PCDHGB4: variants seen among roughly 807,000 people sequenced by gnomAD.
PCDHGB4 encodes protocadherin gamma subfamily B, 4.
PCDHGB4 carries 38 observed loss-of-function variants against 60.5 expected under a neutral mutation model. The observed-to-expected ratio is 0.63, with a 90% CI of 0.48 to 0.82. The LOEUF is 0.82. Ranked by LOEUF, PCDHGB4 falls within the 40% of genes least tolerant of loss-of-function variation. The pLI, the probability that PCDHGB4 is intolerant of heterozygous loss-of-function variation, is 0.00. For synonymous variants in PCDHGB4, 456 were observed against 509.7 expected, an observed-to-expected ratio of 0.89 and a Z score of 1.42; for missense variants, 1,109 against 1,209.6, an observed-to-expected ratio of 0.92 and a Z score of 1.23.
intron 1 of PCDHGB4, chr5:141,394,900 C>T (rs959646500): frequency 3.7e-6 from 6 of 1,613,748 alleles, no homozygotes; most frequent in Non-Finnish European, 3.4e-6. Context: ...CTCGTGGTGG[C>T]AGTGGCTGCC....
intron 1 of PCDHGB4, chr5:141,414,744 C>T (rs1381345965): frequency 6.2e-7 from 1 of 1,614,210 alleles, no homozygotes; most frequent in Non-Finnish European, 8.5e-7. Context: ...CACTCAGATC[C>T]TTCGACTATG....
intron 1 of PCDHGB4, chr5:141,413,140 A>G: frequency 1.3e-6 from 2 of 1,563,150 alleles, no homozygotes; most frequent in Non-Finnish European, 1.7e-6. Context: ...CAACGTGTCC[A>G]GTGAGGACTT....
At chr5:141,400,791 T>C in intron 1 of PCDHGB4, 1 of 562,286 alleles carries the variant, frequency 1.8e-6, no homozygotes, top group Non-Finnish European at 3.1e-6. Flanking sequence ...TTTGTCCTCT[T>C]TCTCAAAGCT....
In PCDHGB4 at chr5:141,487,460, G is replaced by T; in HGVS notation, c.2398-7347G>T. ...AGGGTCAGATGACCCTATCAAGTTT[G>T]TTGATGTGGGAGGCCACTCTCATGG... On this transcript the variant is annotated intron_variant, in intron 1 of 3. Transcript: ENST00000519479. The surrounding 1 kb of genome is among the most constrained non-coding windows in gnomAD (Gnocchi z 5.0). 1 of 1,614,170 alleles carries T rather than the reference G, an allele frequency of 6.2e-7. No individual in the cohort carries two copies. Among genetic ancestry groups the T allele is most frequent in the Non-Finnish European group, 8.5e-7 (1 of 1,180,024 alleles).
rs1369150914 is a variant in PCDHGB4 at position 141,432,217 on chromosome 5, G to A, written c.2397+41936G>A. The A allele has an allele frequency of 3.1e-6, 5 of 1,614,204 alleles. No individual in the cohort carries two copies. The East Asian group carries it at 6.7e-5, about 22-fold the overall frequency. On this transcript the variant is annotated intron_variant, in intron 1 of 3. Coordinates refer to ENST00000519479, the MANE Select transcript of PCDHGB4 (RefSeq NM_003736.4). The surrounding 1 kb of genome is among the most constrained non-coding windows in gnomAD (Gnocchi z 6.0). ...ACCCCGACTGTGAAGAGAACGCCCAGATCACTTATTCCCTGGCTGAGAACA... is the reference window on the plus strand; with the variant it reads ...ACCCCGACTGTGAAGAGAACGCCCAAATCACTTATTCCCTGGCTGAGAACA...
intron 1 of PCDHGB4, chr5:141,410,146 C>G: frequency 6.2e-7 from 1 of 1,612,390 alleles, no homozygotes. Flanking sequence ...CTGTGCGTGA[C>G]GGTGGACAGC....
intron 1 of PCDHGB4, chr5:141,421,221 G>A (rs746753262): frequency 6.3e-7 from 1 of 1,576,508 alleles, no homozygotes; most frequent in Non-Finnish European, 8.6e-7. Context: ...TCGGCTTAGA[G>A]CCTGCCATGG....
At chr5:141,414,081 T>C (rs748527220) in intron 1 of PCDHGB4, 1 of 1,601,774 alleles carries the variant, frequency 6.2e-7, no homozygotes, top group South Asian at 1.1e-5. Flanking sequence ...ACAAATATAC[T>C]GGAGAAATAA....
intron 1 of PCDHGB4, among the ~76,000 whole-genome samples, chr5:141,456,790 C>T (rs1364747385): frequency 6.6e-6 from 1 of 151,976 alleles, no homozygotes; most frequent in Admixed American, 6.6e-5. Flanking sequence ...TGGCAAAACC[C>T]CATCTCTACT....
In PCDHGB4 at chr5:141,472,816, G is replaced by A. The variant is rs1186234004; in HGVS notation, c.2398-21991G>A. On this transcript the variant is annotated intron_variant, in intron 1 of 3. Transcript: ENST00000519479. ...GCCTGACCAACATGGAGAAACCCCC[G>A]TCTCTACTAAAAATAGAAAATTAGC... 4.6e-5 allele frequency among the ~76,000 whole-genome samples: 7 copies of A among 151,374 alleles called. No individual in the cohort carries two copies. In the South Asian group the frequency reaches 6.2e-4, roughly 14 times the overall value.
At chr5:141,496,734 G>A (rs527288196) in intron 2 of PCDHGB4, among the ~76,000 whole-genome samples, 4 of 152,066 alleles carry the variant, frequency 2.6e-5, no homozygotes, top group Non-Finnish European at 4.4e-5. Flanking sequence ...GTATTCATTC[G>A]TTCATTTATT....
At chr5:141,503,502 G>A (rs750139098) in intron 2 of PCDHGB4, among the ~76,000 whole-genome samples, 5 of 151,828 alleles carry the variant, frequency 3.3e-5, no homozygotes, top group Admixed American at 2.0e-4. Context: ...AAGAGGCTGA[G>A]GCAGGAGAAT....
At position 141,415,171 on chromosome 5, in the gene PCDHGB4, G is replaced by A. The variant is rs748508713; in HGVS notation, c.2397+24890G>A. ...TCTCTCCGCCACTGTCACGCTCACC[G>A]TGGCCGTGGCCGACAGCATCCCCCA... On this transcript the variant is annotated intron_variant, in intron 1 of 3. Coordinates refer to ENST00000519479, the MANE Select transcript of PCDHGB4 (RefSeq NM_003736.4). 8 of 1,613,876 alleles carry A rather than the reference G, an allele frequency of 5.0e-6. No homozygotes were observed. In the South Asian group the frequency reaches 6.6e-5, roughly 13 times the overall value.
At chr5:141,492,068 G>A in intron 1 of PCDHGB4, 1 of 479,628 alleles carries the variant, frequency 2.1e-6, no homozygotes, top group Non-Finnish European at 3.7e-6. Flanking sequence ...AGCCTCCTAG[G>A]CGCCGGCTCC....
chr5:141,480,951 G>A (rs924500955), intron 1 of PCDHGB4, among the ~76,000 whole-genome samples: 4 of 152,038 alleles, frequency 2.6e-5, no homozygotes, highest in Non-Finnish European at 2.9e-5. Flanking sequence ...AGGCTGAGGC[G>A]GAAGCATCAG....
chr5:141,409,697 C>A (rs372548874), intron 1 of PCDHGB4: 1 of 1,613,178 alleles, frequency 6.2e-7, no homozygotes, highest in African/African-American at 1.3e-5. Context: ...CCTAGAGCCC[C>A]TGGCGGTGTC....
At chr5:141,398,580 A>G in intron 1 of PCDHGB4, 1 of 1,614,044 alleles carries the variant, frequency 6.2e-7, no homozygotes, top group Non-Finnish European at 8.5e-7. Context: ...CTGGCACAAG[A>G]TTTATACTAG....
chr5:141,428,381 C>T, intron 1 of PCDHGB4: 1 of 516,406 alleles, frequency 1.9e-6, no homozygotes, highest in Non-Finnish European at 3.6e-6. Context: ...CTGCGATGCT[C>T]TTCCAGCCCC....
chr5:141,398,525 T>A, intron 1 of PCDHGB4: 1 of 1,613,440 alleles, frequency 6.2e-7, no homozygotes, highest in Non-Finnish European at 8.5e-7. Flanking sequence ...ACGCCAAAAT[T>A]CACGCAAAAT....
Sources: gnomAD v4.1 joint callset for allele counts (sites outside exome capture counted in the v4.1 genomes callset) on GRCh38, gnomAD v4.1.1 for gene constraint, Gnocchi (gnomAD v3.1) non-coding constraint, MANE v1.5 for transcripts, NCBI Gene and HGNC (gene_info 2026-07-23, HGNC 2026-07-21) for gene names.